The following DYNC1I1 variants were observed in gnomAD, a reference collection of about 807,000 sequenced individuals.
DYNC1I1 encodes dynein cytoplasmic 1 intermediate chain 1.
In DYNC1I1, 43 loss-of-function variants were observed where a neutral mutation model predicts 86.6. The observed-to-expected ratio is 0.50, with a 90% CI of 0.39 to 0.64. DYNC1I1 has a LOEUF of 0.64. DYNC1I1 is among the 30% of genes least tolerant of loss of function. DYNC1I1 has a pLI of 0.00. For synonymous variants in DYNC1I1, 262 were observed against 283.7 expected (o/e 0.92, Z 0.77); for missense variants, 604 against 788.8 (o/e 0.77, Z 2.81).
intron 16 of DYNC1I1, among the ~76,000 whole-genome samples, chr7:96,090,701 T>A (rs1458596900): frequency 2.6e-5 from 4 of 152,196 alleles, no homozygotes; most frequent in Non-Finnish European, 4.4e-5. Context: ...TAGGTAAGAA[T>A]GTTGCTTAAT....
chr7:95,783,334 G>A (rs141438648), intron 1 of DYNC1I1, among the ~76,000 whole-genome samples: 1,797 of 152,266 alleles, frequency 0.012, 37 homozygotes, highest in African/African-American at 0.04. Flanking sequence ...GCTTCCTTCC[G>A]TAGTTGTTCA....
intron 5 of DYNC1I1, among the ~76,000 whole-genome samples, chr7:95,855,237 T>G (rs1789688339): frequency 6.6e-6 from 1 of 152,182 alleles, no homozygotes; most frequent in Non-Finnish European, 1.5e-5. Context: ...TGCAGATTTT[T>G]TTTCCCTTTC....
At chr7:95,953,288 A>C (rs1278089609) in intron 6 of DYNC1I1, among the ~76,000 whole-genome samples, 1 of 151,780 alleles carries the variant, frequency 6.6e-6, no homozygotes. Flanking sequence ...CATCTTACTC[A>C]GTTTTATGAG....
At position 95,797,876 on chromosome 7, in the gene DYNC1I1, G is replaced by A. The variant is rs532582694; in HGVS notation, c.-9-6845G>A. Among the ~76,000 whole-genome samples, 381 of 151,824 alleles carry A rather than the reference G, an allele frequency of 2.5e-3. 1 individual carries two copies. Among genetic ancestry groups the A allele is most frequent in the African/African-American group, 8.3e-3 (346 of 41,448 alleles). On this transcript the variant is annotated intron_variant, in intron 1 of 16. Transcript: ENST00000447467. ...TGAATGCAGAAGCAGCTATAAGAAAGCATTTGACTTCTATTAAACCAGATG... is the reference window on the plus strand; with the variant it reads ...TGAATGCAGAAGCAGCTATAAGAAAACATTTGACTTCTATTAAACCAGATG...
intron 6 of DYNC1I1, among the ~76,000 whole-genome samples, chr7:95,937,588 G>A (rs1194821674): frequency 1.3e-5 from 2 of 151,446 alleles, no homozygotes; most frequent in Non-Finnish European, 2.9e-5. Context: ...AGAATATTGG[G>A]GTATTATCAT....
chr7:95,807,326 C>T (rs1301854250), intron 2 of DYNC1I1, among the ~76,000 whole-genome samples: 1 of 152,072 alleles, frequency 6.6e-6, no homozygotes, highest in Admixed American at 6.6e-5. Context: ...AGGTCTAAGC[C>T]TTAGAGCCAG....
At chr7:96,081,749 T>C (rs573438907) in intron 16 of DYNC1I1, among the ~76,000 whole-genome samples, 11 of 152,336 alleles carry the variant, frequency 7.2e-5, no homozygotes, top group South Asian at 6.2e-4. Context: ...CAATCCTAAA[T>C]GGTTTGTTCT....
At chr7:95,940,622 T>C (rs1378935408) in intron 6 of DYNC1I1, among the ~76,000 whole-genome samples, 1 of 152,256 alleles carries the variant, frequency 6.6e-6, no homozygotes, top group African/African-American at 2.4e-5. Flanking sequence ...CTTCACATAG[T>C]TCTCGAACCT....
At chr7:96,067,960 C>A (rs1790044379) in intron 14 of DYNC1I1, among the ~76,000 whole-genome samples, 1 of 152,092 alleles carries the variant, frequency 6.6e-6, no homozygotes, top group African/African-American at 2.4e-5. Flanking sequence ...TATCCCCACC[C>A]CACCTTTCTG....
At chr7:96,069,269 GC>G (rs947393548) in intron 14 of DYNC1I1, among the ~76,000 whole-genome samples, 1 of 152,160 alleles carries the variant, frequency 6.6e-6, no homozygotes, top group African/African-American at 2.4e-5. Context: ...TCAAAGGGGG[GC>G]TCTTTTGAAC....
At chr7:95,995,821 G>C in intron 9 of DYNC1I1, 127 bp from the exon 10 acceptor site, 1 of 1,323,386 alleles carries the variant, frequency 7.6e-7, no homozygotes, top group East Asian at 2.5e-5. Flanking sequence ...GCTGATAGTA[G>C]GTATGCCACA....
chr7:95,908,541 A>C (rs1388674878), intron 6 of DYNC1I1, among the ~76,000 whole-genome samples: 1 of 152,202 alleles, frequency 6.6e-6, no homozygotes, highest in African/African-American at 2.4e-5. Context: ...TTACTGGTTG[A>C]ACAACTCTTC....
intron 10 of DYNC1I1, among the ~76,000 whole-genome samples, chr7:96,009,245 A>G (rs1247686866): frequency 2.0e-5 from 3 of 152,152 alleles, no homozygotes; most frequent in Non-Finnish European, 2.9e-5. Flanking sequence ...GTGTTCATGA[A>G]TAAGGTTCCA....
chr7:95,991,092 T>C (rs1376865871), intron 9 of DYNC1I1, among the ~76,000 whole-genome samples: 2 of 152,070 alleles, frequency 1.3e-5, no homozygotes, highest in Non-Finnish European at 2.9e-5. Context: ...TAAAAGTGTC[T>C]GGTGCATAAG....
chr7:96,018,848 T>A (rs970339686), intron 10 of DYNC1I1, among the ~76,000 whole-genome samples: 1 of 152,174 alleles, frequency 6.6e-6, no homozygotes, highest in Non-Finnish European at 1.5e-5. Context: ...CAGACCTACA[T>A]TGATGCGGAA....
At position 95,810,414 on chromosome 7, in the gene DYNC1I1, A is replaced by T; in HGVS notation, c.131A>T (p.Glu44Val). 1 of 1,611,612 alleles carries T rather than the reference A, an allele frequency of 6.2e-7. No homozygotes were observed. Among genetic ancestry groups the T allele is most frequent in the Non-Finnish European group, 8.5e-7 (1 of 1,178,738 alleles). ...TAGGCTGATATGCAGCAGAAGAAAG[A>T]ACCCGTTCAGGACGACTCTGATCTG... Reference protein sequence around the residue: ...KKEADMQQKKEPVQDDSDLDR... With the variant: ...KKEADMQQKKVPVQDDSDLDR... The change falls in exon 3 of 17, where the codon GAA becomes GTA. Residue 44 changes from glutamate (E) to valine (V), a missense_variant. Glu to Val is a moderately radical substitution (Grantham distance 121). Coordinates refer to ENST00000447467, the MANE Select transcript of DYNC1I1 (RefSeq NM_001135556.2).
At chr7:95,904,718 A>G (rs1272500584) in intron 6 of DYNC1I1, among the ~76,000 whole-genome samples, 1 of 152,208 alleles carries the variant, frequency 6.6e-6, no homozygotes, top group Non-Finnish European at 1.5e-5. Flanking sequence ...TGTAAATAGC[A>G]GAAGGGAATG....
intron 6 of DYNC1I1, among the ~76,000 whole-genome samples, chr7:95,876,681 A>C (rs1790317089): frequency 6.6e-6 from 1 of 152,252 alleles, no homozygotes. Flanking sequence ...TGACACAGTC[A>C]AGAAATAGCA....
At chr7:95,815,530 T>G in intron 4 of DYNC1I1, among the ~76,000 whole-genome samples, 1 of 152,182 alleles carries the variant, frequency 6.6e-6, no homozygotes, top group Admixed American at 6.6e-5. Flanking sequence ...CAAATTTATG[T>G]TTTTTTCTTT....
Sources: allele counts gnomAD v4.1 joint callset (sites outside exome capture counted in the v4.1 genomes callset), GRCh38; gene constraint gnomAD v4.1.1; transcripts MANE v1.5; gene names NCBI Gene and HGNC (gene_info 2026-07-23, HGNC 2026-07-21).